The following GALR2 variants were observed in gnomAD, a reference collection of about 807,000 sequenced individuals.
GALR2 encodes galanin receptor 2, also known as galanin receptor type 2.
Under a neutral mutation model 7.2 loss-of-function variants are expected in GALR2, and 5 were observed. The observed-to-expected ratio is 0.69, with a 90% CI of 0.36 to 1.45. GALR2 has a LOEUF of 1.45. GALR2 is among the 40% of genes most tolerant of loss of function. The pLI is 0.03. For synonymous variants in GALR2, 300 were observed against 263.9 expected (o/e 1.14, Z -1.32); for missense variants, 561 against 555.7 (o/e 1.01, Z -0.10).
chr17:76,074,816 G>A lies in GALR2; in HGVS notation c.-68G>A. 7.0e-7 allele frequency: 1 copy of A among 1,430,056 alleles called. No homozygotes were observed. 88.6% of individuals were successfully genotyped at this position (1,430,056 alleles called of 1,614,324 possible). On this transcript the variant is annotated 5_prime_UTR_variant, in exon 1 of 2. Transcript: ENST00000329003. The surrounding 1 kb of genome is among the most constrained non-coding windows in gnomAD (Gnocchi z 6.7). The stretch of plus-strand genomic sequence containing the variant: ...TAGGAGTTGCAGCGGCCGCAGCCCC[G>A]GGAGCTTCCCGCTCGCGGAGACCCA...
Position 76,077,106 on chromosome 17 carries a change from TCTC to T in GALR2, c.842_844del (p.Ser281del), listed in dbSNP as rs1340007920. 13 of 1,612,898 alleles carry T rather than the reference TCTC, an allele frequency of 8.1e-6. No homozygotes were observed. The highest frequency in any genetic ancestry group is 1.7e-5 in the Admixed American group (1 of 59,996). Reference sequence around the variant, plus strand: ...GCGCTTCGCATCCTCTCGCACCTGGTCTCCTACGCCAACTCCTGCGTCAACCCC... The same window carrying T: ...GCGCTTCGCATCCTCTCGCACCTGGTCTACGCCAACTCCTGCGTCAACCCC... On this transcript the variant is annotated inframe_deletion, in exon 2 of 2. Coordinates refer to ENST00000329003, the MANE Select transcript of GALR2 (RefSeq NM_003857.4).
At position 76,077,387 on chromosome 17, in the gene GALR2, G is replaced by A; in HGVS notation, c.1120G>A (p.Gly374Ser). The A allele has an allele frequency of 1.4e-6, 2 of 1,474,060 alleles. No individual in the cohort carries two copies. Among genetic ancestry groups the A allele is most frequent in the South Asian group, 1.4e-5 (1 of 72,836 alleles). 91.3% of individuals were successfully genotyped at this position (1,474,060 alleles called of 1,614,324 possible). Reference sequence around the variant, plus strand: ...GCCCTGTCCTGGCCCGTCCTGGCAGGGCCCAAAGGCAGGCGACAGCATCCT... The same window carrying A: ...GCCCTGTCCTGGCCCGTCCTGGCAGAGCCCAAAGGCAGGCGACAGCATCCT... ...LEPCPGPSWQ[G>S]PKAGDSILTV... Residue 374 changes from glycine (G) to serine (S), a missense_variant, in exon 2 of 2, where the codon GGC (glycine) becomes AGC (serine). By Grantham distance (56) the Gly-to-Ser change is moderately conservative. Coordinates refer to ENST00000329003, the MANE Select transcript of GALR2 (RefSeq NM_003857.4).
At position 76,076,633 on chromosome 17, in the gene GALR2, C is replaced by T; in HGVS notation, c.369-3C>T. On this transcript the variant is annotated splice_region_variant and splice_polypyrimidine_tract_variant and intron_variant, in intron 1 of 1. Transcript: ENST00000329003. This position sits in a 1 kb window ranked among gnomAD's most constrained non-coding sequence, Gnocchi z 6.5. Reference sequence around the variant, plus strand: ...GACGTCTCCCTTCCCGGTCTGACCGCAGGTATCTGGCCATCCGCTACCCGC... The same window carrying T: ...GACGTCTCCCTTCCCGGTCTGACCGTAGGTATCTGGCCATCCGCTACCCGC... 1 of 1,569,444 alleles carries T rather than the reference C, an allele frequency of 6.4e-7. No individual in the cohort carries two copies. Among genetic ancestry groups the T allele is most frequent in the Non-Finnish European group, 8.6e-7 (1 of 1,161,228 alleles).
chr17:76,072,028 C>G (rs2066856599), upstream of GALR2: 1 of 560,834 alleles, frequency 1.8e-6, no homozygotes, highest in South Asian at 2.1e-5. The surrounding 1 kb of genome is among the most constrained non-coding windows in gnomAD (Gnocchi z 4.5). Flanking sequence ...GTCACAAGCC[C>G]TCCAACTGGA....
chr17:76,076,949 C>G lies in GALR2; in HGVS notation c.682C>G (p.Arg228Gly), dbSNP rs1243301811. Reference protein sequence around the residue: ...VDPVAAGSGARRAKRKVTRMI... With the variant: ...VDPVAAGSGAGRAKRKVTRMI... Reference sequence around the variant, plus strand: ...CCCGGTGGCCGCGGGCTCGGGTGCCCGGCGCGCCAAGCGCAAGGTGACACG... The same window carrying G: ...CCCGGTGGCCGCGGGCTCGGGTGCCGGGCGCGCCAAGCGCAAGGTGACACG... Residue 228 changes from arginine to glycine, a missense_variant, in exon 2 of 2, where the codon CGG becomes GGG. Coordinates refer to ENST00000329003, the MANE Select transcript of GALR2 (RefSeq NM_003857.4). The surrounding 1 kb of genome is among the most constrained non-coding windows in gnomAD (Gnocchi z 6.5). 1.2e-6 allele frequency: 2 copies of G among 1,602,322 alleles called. No individual in the cohort carries two copies. Among genetic ancestry groups the G allele is most frequent in the African/African-American group, 2.7e-5 (2 of 74,816 alleles).
rs1437468260 is a variant in GALR2 at position 76,077,377 on chromosome 17, G to T, written c.1110G>T (p.Pro370=). 5 of 1,483,276 alleles carry T rather than the reference G, an allele frequency of 3.4e-6. No individual in the cohort carries two copies. The East Asian group carries it at 7.3e-5, about 22-fold the overall frequency. The allele number at this position is 1,483,276 out of a possible 1,614,324, so 91.9% of individuals were successfully genotyped here. ...QPCILEPCPG[P]SWQGPKAGDS... ...GCATCCTCGAGCCCTGTCCTGGCCC[G>T]TCCTGGCAGGGCCCAAAGGCAGGCG... Residue 370 remains proline, a synonymous_variant, in exon 2 of 2, where the codon CCG becomes CCT. Transcript: ENST00000329003.
upstream of GALR2, chr17:76,072,446 TGCCGCC>T (rs536477130): frequency 1.2e-5 from 19 of 1,579,268 alleles, no homozygotes; most frequent in African/African-American, 2.7e-5. The surrounding 1 kb of genome is among the most constrained non-coding windows in gnomAD (Gnocchi z 4.5). Flanking sequence ...CCGCCGCCAC[TGCCGCC>T]GCCGCCGCCG....
At chr17:76,072,446 TGCCGCCGCCGCCGCC>T, upstream of GALR2, 10 of 1,579,346 alleles carry the variant, frequency 6.3e-6, no homozygotes, top group Admixed American at 5.1e-5. This position sits in a 1 kb window ranked among gnomAD's most constrained non-coding sequence, Gnocchi z 4.5. Flanking sequence ...CCGCCGCCAC[TGCCGCCGCCGCCGCC>T]GCCGCCTGGG....
chr17:76,074,726 C>A (rs1026815747), upstream of GALR2: 1 of 743,150 alleles, frequency 1.3e-6, no homozygotes, highest in East Asian at 3.0e-5. This position sits in a 1 kb window ranked among gnomAD's most constrained non-coding sequence, Gnocchi z 6.7. Context: ...CTGACCCCAG[C>A]GCACCCCCAT....
upstream of GALR2, among the ~76,000 whole-genome samples, chr17:76,073,364 C>T (rs1374065577): frequency 2.1e-5 from 3 of 142,736 alleles, no homozygotes; most frequent in African/African-American, 5.3e-5. Flanking sequence ...GGTGTGATCT[C>T]GGCTCACTGC....
chr17:76,076,738 C>G lies in GALR2; in HGVS notation c.471C>G (p.Ser157=), dbSNP rs1431292434. 1 of 1,605,248 alleles carries G rather than the reference C, an allele frequency of 6.2e-7. No individual in the cohort carries two copies. Among genetic ancestry groups the G allele is most frequent in the Non-Finnish European group, 8.5e-7 (1 of 1,179,730 alleles). ...TCTGGGGGCTGTCGCTGCTCTTCTC[C>G]GGGCCCTACCTGAGCTACTACCGCC... ...GLIWGLSLLF[S]GPYLSYYRQS... is the part of the protein sequence containing the mutation. The change falls in exon 2 of 2, where the codon TCC becomes TCG. Residue 157 remains serine, a synonymous_variant. Transcript: ENST00000329003. This position sits in a 1 kb window ranked among gnomAD's most constrained non-coding sequence, Gnocchi z 6.5.
upstream of GALR2, chr17:76,072,209 C>T: frequency 6.3e-7 from 1 of 1,582,602 alleles, no homozygotes; most frequent in African/African-American, 1.4e-5. The surrounding 1 kb of genome is among the most constrained non-coding windows in gnomAD (Gnocchi z 4.5). Context: ...CCCTCGGCCT[C>T]TCCTGCCAGG....
chr17:76,077,295 T>C lies in GALR2; in HGVS notation c.1028T>C (p.Leu343Ser), dbSNP rs2066896117. The C allele has an allele frequency of 2.5e-6, 4 of 1,595,768 alleles. No homozygotes were observed. Among genetic ancestry groups the C allele is most frequent in the Non-Finnish European group, 3.4e-6 (4 of 1,176,328 alleles). The change falls in exon 2 of 2, where the codon TTG becomes TCG. Residue 343 changes from leucine (L) to serine (S), a missense_variant. By Grantham distance (145) the Leu-to-Ser change is moderately radical. Transcript: ENST00000329003. ...TTGGAGCGCGAGTCCAGCGACCTGT[T>C]GCACATGAGCGAGGCGGCGGGGGCC... ...SVLERESSDL[L>S]HMSEAAGALR... is the part of the protein sequence containing the mutation.
chr17:76,072,456 G>A (rs1368687022), upstream of GALR2: 4 of 1,581,660 alleles, frequency 2.5e-6, no homozygotes, highest in South Asian at 1.1e-5. The surrounding 1 kb of genome is among the most constrained non-coding windows in gnomAD (Gnocchi z 4.5). Flanking sequence ...TGCCGCCGCC[G>A]CCGCCGCCGC....
At chr17:76,072,787 C>G (rs1487209723), upstream of GALR2, 1 of 544,376 alleles carries the variant, frequency 1.8e-6, no homozygotes, top group African/African-American at 2.0e-5. This position sits in a 1 kb window ranked among gnomAD's most constrained non-coding sequence, Gnocchi z 4.5. Context: ...CGGAGGTGGA[C>G]CCCAGGTCCT....
chr17:76,072,626 G>A (rs1043524114), upstream of GALR2: 5 of 1,438,192 alleles, frequency 3.5e-6, no homozygotes, highest in Admixed American at 5.7e-5. The surrounding 1 kb of genome is among the most constrained non-coding windows in gnomAD (Gnocchi z 4.5). Context: ...GCAGCAGGGC[G>A]CCATGTGCTG....
Position 76,076,854 on chromosome 17 carries a change from A to G in GALR2, c.587A>G (p.Tyr196Cys). ...GACATCTGCACCTTCGTCTTCAGCT[A>G]CCTGCTTCCTGTGCTGGTTCTCGGC... ...AMDICTFVFS[Y>C]LLPVLVLGLT... Residue 196 changes from tyrosine to cysteine, a missense_variant, in exon 2 of 2, where the codon TAC becomes TGC. Physicochemically the swap from Tyr to Cys is radical, Grantham distance 194 (BLOSUM62 -2). Transcript: ENST00000329003. This position sits in a 1 kb window ranked among gnomAD's most constrained non-coding sequence, Gnocchi z 6.5. 1 of 1,604,672 alleles carries G rather than the reference A, an allele frequency of 6.2e-7. No homozygotes were observed. The highest frequency in any genetic ancestry group is 8.5e-7 in the Non-Finnish European group (1 of 1,179,372).
At position 76,075,039 on chromosome 17, in the gene GALR2, C is replaced by G; in HGVS notation, c.156C>G (p.Arg52=). 1 of 1,610,844 alleles carries G rather than the reference C, an allele frequency of 6.2e-7. No individual in the cohort carries two copies. Among genetic ancestry groups the G allele is most frequent in the African/African-American group, 1.3e-5 (1 of 74,990 alleles). The change falls in exon 1 of 2, where the codon CGC becomes CGG. Residue 52 remains arginine (R), a synonymous_variant. Coordinates refer to ENST00000329003, the MANE Select transcript of GALR2 (RefSeq NM_003857.4). The surrounding 1 kb of genome is among the most constrained non-coding windows in gnomAD (Gnocchi z 5.9). ...CGCTGGTGCTGGCGGTGCTGCTGCG[C>G]GGCGGCCAGGCGGTCAGCACTACCA... is the stretch of plus-strand genomic sequence containing the variant. ...GNTLVLAVLL[R]GGQAVSTTNL...
rs778536806 is a variant in GALR2, at chr17:76,075,010, A to C, written c.127A>C (p.Asn43His). Residue 43 changes from asparagine to histidine, a missense_variant, in exon 1 of 2, where the codon AAC becomes CAC. Asn to His is a moderately conservative substitution (Grantham distance 68). Coordinates refer to ENST00000329003, the MANE Select transcript of GALR2 (RefSeq NM_003857.4). This position sits in a 1 kb window ranked among gnomAD's most constrained non-coding sequence, Gnocchi z 5.9. ...CATCTTCCTCGTGGGCACCGTGGGC[A>C]ACACGCTGGTGCTGGCGGTGCTGCT... The part of the protein sequence containing the change: ...ALIFLVGTVG[N>H]TLVLAVLLRG... 211 of 1,608,844 alleles carry C rather than the reference A, an allele frequency of 1.3e-4. No individual in the cohort carries two copies. The highest frequency in any genetic ancestry group is 1.7e-4 in the Non-Finnish European group (203 of 1,179,900).
Sources: gnomAD v4.1 joint callset for allele counts (sites outside exome capture counted in the v4.1 genomes callset) on GRCh38, gnomAD v4.1.1 for gene constraint, Gnocchi (gnomAD v3.1) non-coding constraint, MANE v1.5 for transcripts, NCBI Gene and HGNC (gene_info 2026-07-23, HGNC 2026-07-21) for gene names.